UGGT2: variants seen among roughly 807,000 people sequenced by gnomAD.
The protein encoded by UGGT2 is UDP-glucose:glycoprotein glucosyltransferase 2.
In UGGT2, 180 loss-of-function variants were observed where a neutral mutation model predicts 192.1. That is an observed-to-expected ratio of 0.94 (90% CI 0.83 to 1.06). The LOEUF is 1.06. Ranked by LOEUF, UGGT2 falls within the 50% of genes least tolerant of loss-of-function variation. The pLI is 0.00. For missense variants in UGGT2, 1,849 were observed against 1,795.7 expected, an observed-to-expected ratio of 1.03 and a Z score of -0.54; for synonymous variants, 580 against 591.0, an observed-to-expected ratio of 0.98 and a Z score of 0.27.
At chr13:95,927,401 C>T in intron 17 of UGGT2, 65 bp from the exon 18 acceptor site, 3 of 1,344,120 alleles carry the variant, frequency 2.2e-6, no homozygotes, top group Non-Finnish European at 1.0e-6. Context: ...AAAAAGTATG[C>T]AGATAACACA....
chr13:95,943,642 T>A (rs915553411), intron 15 of UGGT2, among the ~76,000 whole-genome samples: 1 of 152,030 alleles, frequency 6.6e-6, no homozygotes, highest in South Asian at 2.1e-4. Flanking sequence ...AGTATACTGA[T>A]CTCATATCCA....
intron 4 of UGGT2, among the ~76,000 whole-genome samples, chr13:96,015,038 G>C (rs2052284715): frequency 6.6e-6 from 1 of 152,066 alleles, no homozygotes; most frequent in African/African-American, 2.4e-5. Flanking sequence ...CAGCACTTTG[G>C]GAGGCCGAGG....
intron 15 of UGGT2, among the ~76,000 whole-genome samples, chr13:95,941,205 A>G (rs1280396688): frequency 1.3e-5 from 2 of 152,220 alleles, no homozygotes; most frequent in African/African-American, 2.4e-5. Context: ...ATTAAGCAGC[A>G]TTTGATATAT....
chr13:95,901,493 C>T (rs1040007592), intron 21 of UGGT2, among the ~76,000 whole-genome samples: 1 of 151,822 alleles, frequency 6.6e-6, no homozygotes, highest in South Asian at 2.1e-4. Flanking sequence ...AGGTACATTT[C>T]TCTCTCTCAG....
chr13:95,939,273 T>G (rs2049577202), intron 16 of UGGT2, among the ~76,000 whole-genome samples: 1 of 152,210 alleles, frequency 6.6e-6, no homozygotes, highest in Non-Finnish European at 1.5e-5. Flanking sequence ...TTCTTTTGTC[T>G]AACTTTTCCT....
Position 95,894,722 on chromosome 13 carries a change from T to C in UGGT2, c.2760-65A>G, listed in dbSNP as rs1273038164. On this transcript the variant is annotated intron_variant, in intron 23 of 38. Coordinates refer to ENST00000376747, the MANE Select transcript of UGGT2 (RefSeq NM_020121.4). ...AGAGTTCCATATTTCATGTTACAAT[T>C]AATGCTTCAAGAAAGGTTTTATATA... 7 of 1,346,490 alleles carry C rather than the reference T, an allele frequency of 5.2e-6. No individual in the cohort carries two copies. In the Admixed American group the frequency reaches 9.1e-5, roughly 17 times the overall value. The allele number at this position is 1,346,490 out of a possible 1,614,324, so 83.4% of individuals were successfully genotyped here. A position where few individuals can be genotyped will look rare whatever the true frequency, so the allele number is the denominator to read the frequency against.
At chr13:95,929,489 C>T (rs1283167084) in intron 17 of UGGT2, among the ~76,000 whole-genome samples, 1 of 152,140 alleles carries the variant, frequency 6.6e-6, no homozygotes, top group Non-Finnish European at 1.5e-5. Flanking sequence ...TCTCTTGCTG[C>T]CATCTTTATG....
Position 95,986,259 on chromosome 13 carries a change from A to G in UGGT2, c.1031+74T>C, listed in dbSNP as rs778633113. On this transcript the variant is annotated intron_variant, in intron 9 of 38. Coordinates refer to ENST00000376747, the MANE Select transcript of UGGT2 (RefSeq NM_020121.4). ...TAATTGACACCTTCATGTTAAATGA[A>G]ATCAGCTATTTTCATAAAACTCATT... 2.9e-6 allele frequency: 3 copies of G among 1,050,592 alleles called. No homozygotes were observed. In the African/African-American group the frequency reaches 4.8e-5, roughly 17 times the overall value. 65.1% of individuals were successfully genotyped at this position (1,050,592 alleles called of 1,614,324 possible). A position where few individuals can be genotyped will look rare whatever the true frequency, so the allele number is the denominator to read the frequency against.
At chr13:95,815,384 G>T (rs1884780450) in intron 38 of UGGT2, among the ~76,000 whole-genome samples, 1 of 152,110 alleles carries the variant, frequency 6.6e-6, no homozygotes, top group South Asian at 2.1e-4. Flanking sequence ...GAACTAATAA[G>T]TGAGTATAGC....
At position 95,914,001 on chromosome 13, in the gene UGGT2, C is replaced by A. The variant is rs556004386; in HGVS notation, c.2296-10941G>T. On this transcript the variant is annotated intron_variant, in intron 20 of 38. Coordinates refer to ENST00000376747, the MANE Select transcript of UGGT2 (RefSeq NM_020121.4). ...TATAAGGACGGAAAACCAAATACCA[C>A]ATGTTCTCACTCATAGGTGGGAATT... 3.3e-5 allele frequency among the ~76,000 whole-genome samples: 5 copies of A among 152,242 alleles called. 1 individual carries two copies. In the South Asian group the frequency reaches 1.0e-3, roughly 32 times the overall value.
chr13:96,013,294 A>C lies in UGGT2; in HGVS notation c.660+13T>G. On this transcript the variant is annotated intron_variant, in intron 5 of 38. Coordinates refer to ENST00000376747, the MANE Select transcript of UGGT2 (RefSeq NM_020121.4). ...TACAGCCAAAAGCAACCTTGGAAAA[A>C]ACAAGCGCATACCTGAATATAATGG... The C allele has an allele frequency of 6.5e-7, 1 of 1,541,582 alleles. No individual in the cohort carries two copies. Among genetic ancestry groups the C allele is most frequent in the Non-Finnish European group, 8.6e-7 (1 of 1,156,600 alleles).
intron 38 of UGGT2, chr13:95,809,518 G>A (rs746709066): frequency 1.5e-4 from 52 of 346,204 alleles, no homozygotes; most frequent in Middle Eastern, 1.0e-3. Flanking sequence ...TTCCACTTTC[G>A]CAGGGGCAGG....
intron 7 of UGGT2, chr13:95,991,439 T>G (rs964953661): frequency 1.0e-4 from 47 of 454,256 alleles, no homozygotes; most frequent in African/African-American, 9.4e-4. Context: ...GGTGTCTCAT[T>G]GAAAACACGT....
chr13:95,895,228 C>G lies in UGGT2; in HGVS notation c.2711G>C (p.Gly904Ala), dbSNP rs779989333. ...TTCAACAATGCCTTTAATTTTCTCT[C>G]CTAAATTACTAAATGTTATCTTTTC... is the stretch of plus-strand genomic sequence containing the variant. ...LLEKITFSNL[G>A]EKIKGIVENM... The change falls in exon 23 of 39, where the codon GGA (glycine) becomes GCA (alanine). Residue 904 changes from glycine to alanine, a missense_variant. Physicochemically the swap from Gly to Ala is moderately conservative, Grantham distance 60. Transcript: ENST00000376747. 1 of 1,581,540 alleles carries G rather than the reference C, an allele frequency of 6.3e-7. No individual in the cohort carries two copies.
intron 20 of UGGT2, among the ~76,000 whole-genome samples, chr13:95,913,211 T>C (rs2048561716): frequency 6.6e-6 from 1 of 152,074 alleles, no homozygotes; most frequent in Non-Finnish European, 1.5e-5. Flanking sequence ...CCAAAAGCAA[T>C]GGCAACAAAA....
chr13:95,992,264 C>A (rs995698926), intron 7 of UGGT2, among the ~76,000 whole-genome samples: 3 of 152,184 alleles, frequency 2.0e-5, no homozygotes, highest in African/African-American at 7.2e-5. Flanking sequence ...AGGAATAGCA[C>A]TGAATCTGTA....
intron 10 of UGGT2, 162 bp downstream of exon 10, chr13:95,983,642 T>C: frequency 1.5e-6 from 1 of 678,040 alleles, no homozygotes; most frequent in Non-Finnish European, 2.8e-6. Context: ...GCTGATTAAA[T>C]GCTCATATAG....
intron 2 of UGGT2, among the ~76,000 whole-genome samples, chr13:96,031,681 G>A (rs1044181660): frequency 1.3e-5 from 2 of 151,858 alleles, no homozygotes; most frequent in African/African-American, 4.8e-5. Flanking sequence ...ATTATATGAG[G>A]TATCTTATAA....
chr13:95,849,459 C>T (rs941874148), intron 36 of UGGT2, among the ~76,000 whole-genome samples: 12 of 150,616 alleles, frequency 8.0e-5, no homozygotes, highest in South Asian at 6.3e-4. Flanking sequence ...AGGAGAATGG[C>T]GTGAACCCAG....
Sources: gnomAD v4.1 joint callset for allele counts (sites outside exome capture counted in the v4.1 genomes callset) on GRCh38, gnomAD v4.1.1 for gene constraint, MANE v1.5 for transcripts, NCBI Gene and HGNC (gene_info 2026-07-23, HGNC 2026-07-21) for gene names.